Variants in DMD observed in about 807,000 individuals in gnomAD.
DMD encodes the protein mutant dystrophin.
A neutral mutation model predicts 330.1 loss-of-function variants in DMD; 63 were observed. The ratio of observed to expected loss-of-function variants is 0.19; its 90% CI spans 0.16 to 0.24. The LOEUF is 0.24. DMD is among the 10% of genes least tolerant of loss of function. The pLI is 1.00. For synonymous variants in DMD, 1,223 were observed against 959.8 expected (o/e 1.27, Z -5.07); for missense variants, 3,344 against 2,684.1 (o/e 1.25, Z -5.43).
intron 2 of DMD, among the ~76,000 whole-genome samples, chrX:32,933,214 G>A (rs2089735306): frequency 9.0e-6 from 1 of 111,631 alleles, no homozygotes; most frequent in African/African-American, 3.3e-5. Flanking sequence ...CTGAGGGAAG[G>A]GAGCCAGAAG....
At chrX:33,081,383 C>T (rs977253745) in intron 1 of DMD, among the ~76,000 whole-genome samples, 1 of 112,054 alleles carries the variant, frequency 8.9e-6, no homozygotes, top group African/African-American at 3.2e-5. Context: ...AAGGGATTCT[C>T]CTGCCTTAGC....
At chrX:31,649,280 T>C (rs2080297895) in intron 54 of DMD, among the ~76,000 whole-genome samples, 1 of 111,673 alleles carries the variant, frequency 9.0e-6, no homozygotes, top group Non-Finnish European at 1.9e-5. Context: ...TTTTGGTGCG[T>C]TGGTTCAGCC....
intron 60 of DMD, among the ~76,000 whole-genome samples, chrX:31,354,427 G>A (rs1266784557): frequency 1.8e-5 from 2 of 108,168 alleles, no homozygotes. Context: ...CATTTTTGAT[G>A]ATGAAAGTAA....
rs143068382 is a variant in DMD, at chrX:33,027,296, T to C, written c.32-7096A>G. Among the ~76,000 whole-genome samples, 576 of 111,546 alleles carry C rather than the reference T, an allele frequency of 5.2e-3. 4 individuals are homozygous for C. Among genetic ancestry groups the C allele is most frequent in the African/African-American group, 0.017 (531 of 30,639 alleles). On this transcript the variant is annotated intron_variant, in intron 1 of 78. Transcript: ENST00000357033. ...GGTCCGAGGTGGCTGGTTTTGAAGA[T>C]GTACGAAGAAGGCCGTGAGCCAAAT...
intron 44 of DMD, among the ~76,000 whole-genome samples, chrX:31,991,115 G>C (rs1461058364): frequency 8.9e-6 from 1 of 111,759 alleles, no homozygotes; most frequent in Non-Finnish European, 1.9e-5. Context: ...AACACAGGGG[G>C]ATTTATGACG....
intron 45 of DMD, among the ~76,000 whole-genome samples, chrX:31,943,357 C>G (rs1032557391): frequency 8.9e-6 from 1 of 112,250 alleles, no homozygotes; most frequent in East Asian, 2.8e-4. Flanking sequence ...AGAACTACTC[C>G]TCACCCCTTG....
At chrX:32,096,389 T>G (rs1384873840) in intron 44 of DMD, among the ~76,000 whole-genome samples, 1 of 111,431 alleles carries the variant, frequency 9.0e-6, no homozygotes, top group African/African-American at 3.3e-5. Context: ...GCTCAGTGAT[T>G]TCCTAATAGT....
chrX:32,462,849 C>T (rs2098388348), intron 25 of DMD, among the ~76,000 whole-genome samples: 1 of 110,627 alleles, frequency 9.0e-6, no homozygotes, highest in Non-Finnish European at 1.9e-5. Flanking sequence ...CTTCTAGCTA[C>T]TTGTGGGGAC....
At chrX:32,315,668 G>C (rs943017657) in intron 41 of DMD, among the ~76,000 whole-genome samples, 7 of 111,527 alleles carry the variant, frequency 6.3e-5, no homozygotes, top group African/African-American at 2.3e-4. Context: ...CTTAAAGAAT[G>C]TAGGCAGCAC....
At chrX:31,673,328 G>T (rs1473125976) in intron 53 of DMD, among the ~76,000 whole-genome samples, 1 of 112,338 alleles carries the variant, frequency 8.9e-6, no homozygotes, top group Non-Finnish European at 1.9e-5. Flanking sequence ...AAAAGGCGAT[G>T]TGGGGCCAGG....
intron 43 of DMD, among the ~76,000 whole-genome samples, chrX:32,270,934 C>T (rs1241723346): frequency 9.0e-6 from 1 of 111,067 alleles, no homozygotes; most frequent in African/African-American, 3.3e-5. Context: ...TTGGTGAGGG[C>T]CCAATAAACA....
At chrX:32,627,673 T>A (rs760357454) in intron 11 of DMD, among the ~76,000 whole-genome samples, 9 of 110,679 alleles carry the variant, frequency 8.1e-5, no homozygotes, top group Non-Finnish European at 1.7e-4. Flanking sequence ...TAAAATTAAC[T>A]TTTTAGAGAT....
At chrX:31,877,108 C>T (rs1461264141) in intron 47 of DMD, among the ~76,000 whole-genome samples, 3 of 110,972 alleles carry the variant, frequency 2.7e-5, no homozygotes, top group South Asian at 3.8e-4. Context: ...AGAAAGTTGT[C>T]GAGAAAAAAA....
At chrX:32,852,600 T>C (rs1053874486) in intron 2 of DMD, among the ~76,000 whole-genome samples, 1 of 111,282 alleles carries the variant, frequency 9.0e-6, no homozygotes, top group African/African-American at 3.3e-5. Flanking sequence ...GGTTCTCTGA[T>C]TGCAGGCCTT....
chrX:31,875,413 A>G, intron 47 of DMD, 40 bp from the exon 48 acceptor site: 1 of 1,036,979 alleles, frequency 9.6e-7, no homozygotes, highest in Non-Finnish European at 1.3e-6. Context: ...AATAATTCTC[A>G]AGGCATAAGC....
intron 45 of DMD, among the ~76,000 whole-genome samples, chrX:31,936,725 C>T (rs1180663392): frequency 9.0e-6 from 1 of 111,222 alleles, no homozygotes; most frequent in Non-Finnish European, 1.9e-5. Context: ...GGCCATTTTA[C>T]CATTGTTCAG....
At chrX:31,403,600 G>C (rs1448858106) in intron 60 of DMD, among the ~76,000 whole-genome samples, 1 of 111,405 alleles carries the variant, frequency 9.0e-6, no homozygotes. Context: ...AGAAAAATAA[G>C]TTTATTAGAA....
intron 55 of DMD, among the ~76,000 whole-genome samples, chrX:31,591,795 T>C (rs1439496924): frequency 9.0e-6 from 1 of 111,454 alleles, no homozygotes; most frequent in Non-Finnish European, 1.9e-5. Context: ...ATTGTATTTC[T>C]GATTTTTTTC....
At chrX:32,631,351 T>A (rs1001011471) in intron 11 of DMD, among the ~76,000 whole-genome samples, 3 of 111,199 alleles carry the variant, frequency 2.7e-5, no homozygotes, top group Non-Finnish European at 3.8e-5. Flanking sequence ...CTACATTCAC[T>A]CAGGGCCCAA....
Sources: gnomAD v4.1 joint callset for allele counts (sites outside exome capture counted in the v4.1 genomes callset) on GRCh38, gnomAD v4.1.1 for gene constraint, MANE v1.5 for transcripts, NCBI Gene and HGNC (gene_info 2026-07-23, HGNC 2026-07-21) for gene names.